Variants in ARPC4 observed in about 807,000 individuals in gnomAD.
ARPC4 encodes the protein actin related protein 2/3 complex subunit 4, also known as actin-related protein 2/3 complex subunit 4.
A neutral mutation model predicts 22.8 loss-of-function variants in ARPC4; 3 were observed. The observed-to-expected ratio is 0.13, with a 90% CI of 0.06 to 0.34. ARPC4 has a LOEUF of 0.34. Ranked by LOEUF, ARPC4 falls within the 10% of genes least tolerant of loss-of-function variation. The pLI, the probability that ARPC4 is intolerant of heterozygous loss-of-function variation, is 1.00. For missense variants in ARPC4, 98 were observed against 211.0 expected, an observed-to-expected ratio of 0.46 and a Z score of 3.32; for synonymous variants, 80 against 72.5, an observed-to-expected ratio of 1.10 and a Z score of -0.52.
intron 5 of ARPC4, 118 bp downstream of exon 5, chr3:9,804,131 T>C: frequency 8.4e-7 from 1 of 1,184,770 alleles, no homozygotes; most frequent in Non-Finnish European, 1.2e-6. Flanking sequence ...CTGAGCTCTC[T>C]AGGACCCCTG....
chr3:9,805,454 G>T (rs960089301), intron 5 of ARPC4, among the ~76,000 whole-genome samples: 2 of 152,184 alleles, frequency 1.3e-5, no homozygotes, highest in Admixed American at 6.5e-5. Flanking sequence ...GCATCCAAAG[G>T]TCGGGTAGCT....
rs545458412 is a variant in ARPC4 at position 9,793,728 on chromosome 3, C to CCCTTTTTCATACATGTGGG, written c.3+636_3+654dup. 1.8e-3 allele frequency among the ~76,000 whole-genome samples: 272 copies of CCCTTTTTCATACATGTGGG among 152,176 alleles called. 3 individuals are homozygous for CCCTTTTTCATACATGTGGG. The highest frequency in any genetic ancestry group is 6.2e-3 in the African/African-American group (258 of 41,462). ...TCATCCCTCCCTTCCTGGAAGTCCT[C>CCCTTTTTCATACATGTGGG]CCTTTTTCATACATGTGGGCCTTTT... On this transcript the variant is annotated intron_variant, in intron 1 of 5. Transcript: ENST00000397261.
intron 4 of ARPC4, among the ~76,000 whole-genome samples, chr3:9,802,291 C>G (rs1476456772): frequency 6.7e-6 from 1 of 150,374 alleles, no homozygotes; most frequent in African/African-American, 2.4e-5. Flanking sequence ...ATTGCTTATT[C>G]CCGGAGCCTA....
chr3:9,795,916 C>T (rs1273496595), intron 1 of ARPC4, among the ~76,000 whole-genome samples: 9 of 151,656 alleles, frequency 5.9e-5, no homozygotes, highest in South Asian at 2.1e-4. Flanking sequence ...GCCAACATGG[C>T]GAAACCCCAT....
At chr3:9,797,593 T>G in intron 1 of ARPC4, 66 bp from the exon 2 acceptor site, 2 of 1,553,732 alleles carry the variant, frequency 1.3e-6, no homozygotes, top group Non-Finnish European at 1.8e-6. Context: ...GGAGCTGGAA[T>G]AGGGGATCGG....
chr3:9,801,209 T>C (rs2079000653), intron 3 of ARPC4, among the ~76,000 whole-genome samples: 2 of 29,956 alleles, frequency 6.7e-5, no homozygotes, highest in Admixed American at 4.5e-4. Context: ...AGATTCCATC[T>C]CAGAAAAAAA....
intron 1 of ARPC4, 89 bp from the exon 2 acceptor site, chr3:9,797,570 A>T: frequency 6.9e-7 from 1 of 1,444,450 alleles, no homozygotes; most frequent in African/African-American, 1.4e-5. Context: ...CCTCAGTGCT[A>T]CCTGGCTTCA....
At chr3:9,805,960 G>A (rs1044151197) in intron 5 of ARPC4, among the ~76,000 whole-genome samples, 4 of 152,240 alleles carry the variant, frequency 2.6e-5, no homozygotes, top group Admixed American at 2.0e-4. Context: ...GGGCACAAGG[G>A]AGCTGTGGAG....
chr3:9,793,074 G>T, upstream of ARPC4: 1 of 1,545,694 alleles, frequency 6.5e-7, no homozygotes, highest in East Asian at 2.5e-5. Flanking sequence ...GGCATCGCGG[G>T]GCTGGCCACT....
chr3:9,792,770 G>T (rs531410510), upstream of ARPC4: 16 of 1,248,642 alleles, frequency 1.3e-5, 1 homozygote, highest in East Asian at 3.5e-4. Context: ...CGTCCGCTTC[G>T]GCTTGTCCTA....
chr3:9,798,439 T>G (rs910907579), intron 2 of ARPC4, among the ~76,000 whole-genome samples: 5 of 151,836 alleles, frequency 3.3e-5, no homozygotes, highest in Admixed American at 2.0e-4. Context: ...TATGCAAAAA[T>G]AGTCAGGCAT....
rs55966635 is a variant in ARPC4, at chr3:9,806,516, C to CT, written c.*322dup. 1,117 of 232,114 alleles carry CT rather than the reference C, an allele frequency of 4.8e-3. 1 individual carries two copies. The highest frequency in any genetic ancestry group is 0.012 in the South Asian group (248 of 20,000). 14.4% of individuals were successfully genotyped at this position (232,114 alleles called of 1,614,324 possible). On this transcript the variant is annotated 3_prime_UTR_variant, in exon 6 of 6. Transcript: ENST00000397261. ...TTGTAGGATACTGTAACCTTTTTGT[C>CT]TTTTTTTTTTTTTTTTTTTTTAAAC...
chr3:9,801,228 A>AG (rs1161235102), intron 3 of ARPC4, among the ~76,000 whole-genome samples: 2 of 148,444 alleles, frequency 1.3e-5, no homozygotes, highest in African/African-American at 5.1e-5. Context: ...AAAAAAAAAA[A>AG]AAAAAAAAAG....
chr3:9,806,180 C>T (rs1341936718), intron 5 of ARPC4, 30 bp from the exon 6 acceptor site: 3 of 1,613,130 alleles, frequency 1.9e-6, no homozygotes, highest in Non-Finnish European at 2.5e-6. Flanking sequence ...ATAATAACCA[C>T]CATGCACTGC....
chr3:9,796,792 T>C (rs892710506), intron 1 of ARPC4, among the ~76,000 whole-genome samples: 3 of 148,814 alleles, frequency 2.0e-5, no homozygotes, highest in Non-Finnish European at 4.4e-5. Context: ...ATACAAAAAG[T>C]TAGCCGGGTG....
chr3:9,793,760 A>G (rs380326), intron 1 of ARPC4, among the ~76,000 whole-genome samples: 3 of 150,916 alleles, frequency 2.0e-5, no homozygotes, highest in East Asian at 1.9e-4. Context: ...TTTTTCATAC[A>G]TGTGGGCCTT....
chr3:9,800,061 C>T, intron 2 of ARPC4, 124 bp from the exon 3 acceptor site: 2 of 938,354 alleles, frequency 2.1e-6, no homozygotes, highest in Non-Finnish European at 3.3e-6. Flanking sequence ...TTGGAGCACT[C>T]CTGCTTGTGA....
chr3:9,793,136 G>T lies in ARPC4; in HGVS notation c.3+12G>T. On this transcript the variant is annotated intron_variant, in intron 1 of 5. Transcript: ENST00000397261. ...CAGCGCCCGCGATGGTGAGAGAGCC[G>T]GGCCCCCGGCCAGGGACCCCCGGCT... is the stretch of plus-strand genomic sequence containing the variant. 1 of 1,542,060 alleles carries T rather than the reference G, an allele frequency of 6.5e-7. No homozygotes were observed.
chr3:9,805,613 A>T (rs1479592949), intron 5 of ARPC4, among the ~76,000 whole-genome samples: 1 of 152,232 alleles, frequency 6.6e-6, no homozygotes, highest in African/African-American at 2.4e-5. Flanking sequence ...AAGGTTGGCA[A>T]CTAATTCATA....
Sources: allele counts gnomAD v4.1 joint callset (sites outside exome capture counted in the v4.1 genomes callset), GRCh38; gene constraint gnomAD v4.1.1; transcripts MANE v1.5; gene names NCBI Gene and HGNC (gene_info 2026-07-23, HGNC 2026-07-21).